The following RAP1A variants were observed in gnomAD, a reference collection of about 807,000 sequenced individuals.
RAP1A encodes the protein RAP1A, member of RAS oncogene family, also known as ras-related protein Rap-1A.
Under a neutral mutation model 26.4 loss-of-function variants are expected in RAP1A, and 6 were observed. The observed-to-expected ratio is 0.23, with a 90% confidence interval of 0.12 to 0.45. The LOEUF is 0.45. RAP1A is among the 20% of genes least tolerant of loss of function. RAP1A has a pLI of 0.99. For synonymous variants in RAP1A, 73 were observed against 79.4 expected, an observed-to-expected ratio of 0.92 and a Z score of 0.43; for missense variants, 121 against 217.2, an observed-to-expected ratio of 0.56 and a Z score of 2.78.
intron 1 of RAP1A, among the ~76,000 whole-genome samples, chr1:111,570,539 T>C (rs1054138372): frequency 6.6e-6 from 1 of 152,098 alleles, no homozygotes; most frequent in South Asian, 2.1e-4. Flanking sequence ...CAACACCAAC[T>C]TGGTGTCCCT....
intron 1 of RAP1A, among the ~76,000 whole-genome samples, chr1:111,582,953 A>G (rs1227111268): frequency 1.3e-5 from 2 of 152,236 alleles, no homozygotes; most frequent in African/African-American, 4.8e-5. Context: ...ACAACCATAC[A>G]GTCTGTAATA....
At chr1:111,569,616 C>T (rs546971443) in intron 1 of RAP1A, among the ~76,000 whole-genome samples, 4 of 151,824 alleles carry the variant, frequency 2.6e-5, no homozygotes, top group Middle Eastern at 3.4e-3. Flanking sequence ...TTGGGTGACT[C>T]CAGGGTTCTA....
Position 111,576,841 on chromosome 1 carries a change from C to T in RAP1A, c.-28+34332C>T, listed in dbSNP as rs556221012. On this transcript the variant is annotated intron_variant, in intron 1 of 7. Coordinates refer to the RAP1A transcript ENST00000356415. ...GGCCTGCAGCCAGAGCTTTAGGAAGCGGGAGTATGGAGAGGGAAAACAAAC... is the reference window on the plus strand; with the variant it reads ...GGCCTGCAGCCAGAGCTTTAGGAAGTGGGAGTATGGAGAGGGAAAACAAAC... Among the ~76,000 whole-genome samples, 310 of 152,258 alleles carry T rather than the reference C, an allele frequency of 2.0e-3. 3 individuals carry two copies. The highest frequency in any genetic ancestry group is 0.014 in the Middle Eastern group (4 of 294).
At chr1:111,678,701 G>A (rs78022822) in intron 1 of RAP1A, among the ~76,000 whole-genome samples, 3,056 of 151,416 alleles carry the variant, frequency 0.02, 67 homozygotes, top group Admixed American at 0.046. Flanking sequence ...GACCACCACC[G>A]TATATGTAAT....
chr1:111,703,439 T>C lies in RAP1A; in HGVS notation c.287T>C (p.Leu96Pro). 1 of 1,606,330 alleles carries C rather than the reference T, an allele frequency of 6.2e-7. No individual in the cohort carries two copies. Residue 96 changes from leucine to proline, a missense_variant, in exon 5 of 8, where the codon CTG becomes CCG. Coordinates refer to ENST00000369709, the MANE Select transcript of RAP1A (RefSeq NM_002884.4). ...AQSTFNDLQDLREQILRVKDT... is the reference protein window; with the variant it reads ...AQSTFNDLQDPREQILRVKDT... ...TCCACGTTTAACGACTTACAGGACC[T>C]GAGGGAACAGATTTTACGGGTTAAG...
At chr1:111,660,898 C>T (rs1212525765) in intron 1 of RAP1A, among the ~76,000 whole-genome samples, 1 of 152,226 alleles carries the variant, frequency 6.6e-6, no homozygotes, top group Non-Finnish European at 1.5e-5. Flanking sequence ...CAGATGTCTG[C>T]CCAACTCTGT....
chr1:111,586,682 G>A (rs1658370748), intron 1 of RAP1A, among the ~76,000 whole-genome samples: 1 of 152,180 alleles, frequency 6.6e-6, no homozygotes, highest in South Asian at 2.1e-4. Flanking sequence ...AGAGAGGAGT[G>A]GCATATAGCA....
At chr1:111,571,806 A>G (rs1658053631) in intron 1 of RAP1A, among the ~76,000 whole-genome samples, 4 of 152,214 alleles carry the variant, frequency 2.6e-5, no homozygotes, top group African/African-American at 4.8e-5. Context: ...AACTCCATAC[A>G]TAACCTTGAA....
rs142339694 is a variant in RAP1A at position 111,589,559 on chromosome 1, C to CTATA, written c.-28+47052_-28+47055dup. On this transcript the variant is annotated intron_variant, in intron 1 of 7. Transcript: ENST00000356415. ...ACATTTTCCCAATGTGTTATTTCCTCTATATGGGCCTTAACTCCTTACACT... is the reference window on the plus strand; with the variant it reads ...ACATTTTCCCAATGTGTTATTTCCTCTATATATATGGGCCTTAACTCCTTACACT... Among the ~76,000 whole-genome samples, 102 of 152,288 alleles carry CTATA rather than the reference C, an allele frequency of 6.7e-4. 4 individuals carry two copies. The East Asian group carries it at 0.019, about 29-fold the overall frequency.
chr1:111,587,295 C>G (rs1032644007), intron 1 of RAP1A, among the ~76,000 whole-genome samples: 1 of 152,162 alleles, frequency 6.6e-6, no homozygotes, highest in African/African-American at 2.4e-5. Flanking sequence ...AAACCCTCAA[C>G]ACCTTCATCA....
chr1:111,579,313 C>T (rs1444455087), intron 1 of RAP1A, among the ~76,000 whole-genome samples: 3 of 152,128 alleles, frequency 2.0e-5, no homozygotes, highest in African/African-American at 7.2e-5. Context: ...ATTAAAGGAG[C>T]TCATTATGAA....
rs1661642300 is a variant in RAP1A at position 111,690,759 on chromosome 1, C to G, written c.-27-575C>G. Among the ~76,000 whole-genome samples the G allele has an allele frequency of 2.6e-5, 4 of 152,210 alleles. No individual in the cohort carries two copies. The South Asian group carries it at 8.3e-4, about 32-fold the overall frequency. On this transcript the variant is annotated intron_variant, in intron 1 of 7. Transcript: ENST00000369709. ...TTTACGTTCCTTTTATTTTCTCTGG[C>G]TATTTGGGCCTTATGGCGTATATTG... is the stretch of plus-strand genomic sequence containing the variant.
intron 1 of RAP1A, among the ~76,000 whole-genome samples, chr1:111,677,640 T>C (rs1024502989): frequency 6.6e-6 from 1 of 152,208 alleles, no homozygotes; most frequent in African/African-American, 2.4e-5. Context: ...CAGCTCCTCT[T>C]CAGGTGTGCC....
chr1:111,670,122 A>G (rs957879848), intron 1 of RAP1A, among the ~76,000 whole-genome samples: 86 of 152,254 alleles, frequency 5.6e-4, no homozygotes, highest in African/African-American at 1.9e-3. Flanking sequence ...TCCAAAAGAT[A>G]TACTTTAGGT....
At chr1:111,552,253 T>C (rs1657292091) in intron 1 of RAP1A, among the ~76,000 whole-genome samples, 1 of 152,184 alleles carries the variant, frequency 6.6e-6, no homozygotes, top group Non-Finnish European at 1.5e-5. Flanking sequence ...ACATTCATTC[T>C]CCTTCTTCTG....
At chr1:111,563,765 T>C in intron 1 of RAP1A, 1 of 1,008,166 alleles carries the variant, frequency 9.9e-7, no homozygotes, top group South Asian at 1.4e-5. Context: ...ATATCATGAA[T>C]AAATGTTCCA....
chr1:111,602,657 CCTT>C (rs1262754749), intron 1 of RAP1A, among the ~76,000 whole-genome samples: 1 of 152,160 alleles, frequency 6.6e-6, no homozygotes, highest in East Asian at 1.9e-4. Context: ...CATTGTTCAT[CCTT>C]CTCTTCTGCC....
intron 1 of RAP1A, among the ~76,000 whole-genome samples, chr1:111,669,994 A>G (rs1660923670): frequency 6.6e-6 from 1 of 152,254 alleles, no homozygotes; most frequent in Admixed American, 6.5e-5. Flanking sequence ...ACTACAGTGT[A>G]CTCAGAGTAA....
intron 1 of RAP1A, among the ~76,000 whole-genome samples, chr1:111,575,331 T>A (rs574926139): frequency 6.6e-6 from 1 of 152,266 alleles, no homozygotes; most frequent in South Asian, 2.1e-4. Flanking sequence ...TTTTTGTATG[T>A]TTAGTAGAGA....
Sources: allele counts gnomAD v4.1 joint callset (sites outside exome capture counted in the v4.1 genomes callset), GRCh38; gene constraint gnomAD v4.1.1; transcripts MANE v1.5; gene names NCBI Gene and HGNC (gene_info 2026-07-23, HGNC 2026-07-21).